The following CCDC12 variants were observed in gnomAD, a reference collection of about 807,000 sequenced individuals.
CCDC12 encodes the protein coiled-coil domain containing 12.
In CCDC12, 28 loss-of-function variants were observed where a neutral mutation model predicts 25.7. The observed-to-expected ratio is 1.09, with a 90% CI of 0.81 to 1.50. CCDC12 has a LOEUF of 1.50. Ranked by LOEUF, CCDC12 falls within the 40% of genes most tolerant of loss-of-function variation. The probability of loss-of-function intolerance (pLI) is 0.00; values close to 1 mark genes in which losing one functional copy is unlikely to be tolerated. For missense variants in CCDC12, 198 were observed against 210.0 expected (o/e 0.94, Z 0.35); for synonymous variants, 75 against 87.7 (o/e 0.86, Z 0.81).
At chr3:46,925,802 C>T (rs532572572) in intron 2 of CCDC12, among the ~76,000 whole-genome samples, 13 of 152,338 alleles carry the variant, frequency 8.5e-5, no homozygotes, top group African/African-American at 2.9e-4. Flanking sequence ...GGGCCAAGGA[C>T]GCCTAGGGAG....
chr3:46,975,405 G>C (rs1453933774), intron 1 of CCDC12, among the ~76,000 whole-genome samples: 1 of 151,968 alleles, frequency 6.6e-6, no homozygotes, highest in African/African-American at 2.4e-5. Context: ...GGCTGATCTC[G>C]AACTCCTGAC....
intron 2 of CCDC12, among the ~76,000 whole-genome samples, chr3:46,928,988 T>C (rs1445310718): frequency 6.6e-6 from 1 of 151,474 alleles, no homozygotes; most frequent in East Asian, 2.0e-4. Flanking sequence ...AGACCCTGTC[T>C]CAAAAAAAAA....
chr3:46,953,297 C>T (rs1336428154), intron 1 of CCDC12, among the ~76,000 whole-genome samples: 1 of 152,026 alleles, frequency 6.6e-6, no homozygotes, highest in South Asian at 2.1e-4. Flanking sequence ...ATTAAAATAG[C>T]GAGGCAGCAC....
chr3:46,925,373 T>C (rs2090240972), intron 3 of CCDC12, 83 bp downstream of exon 3: 1 of 1,184,190 alleles, frequency 8.4e-7, no homozygotes, highest in Non-Finnish European at 1.3e-6. Flanking sequence ...TACTGCTGGT[T>C]ATTCTCAGAG....
intron 5 of CCDC12, chr3:46,922,646 GGGCCCTGCTCCTCCTCCAGCCACC>G (rs1341898083): frequency 2.5e-6 from 1 of 393,122 alleles, no homozygotes. Context: ...TGCCCACTGT[GGGCCCTGCTCCTCCTCCAGCCACC>G]GGCCCAGCCC....
At chr3:46,977,614 C>G (rs1174760300), upstream of CCDC12, among the ~76,000 whole-genome samples, 2 of 152,202 alleles carry the variant, frequency 1.3e-5, no homozygotes, top group Non-Finnish European at 2.9e-5. Context: ...TCTGTGACCA[C>G]TCTCAGCTCA....
intron 1 of CCDC12, among the ~76,000 whole-genome samples, chr3:46,954,614 C>T (rs1203585700): frequency 1.3e-5 from 2 of 152,168 alleles, no homozygotes; most frequent in African/African-American, 4.8e-5. Flanking sequence ...GGAATAAGAG[C>T]TACCATTTAT....
intron 1 of CCDC12, among the ~76,000 whole-genome samples, chr3:46,972,048 G>A (rs1184023442): frequency 7.9e-6 from 1 of 127,050 alleles, no homozygotes; most frequent in Non-Finnish European, 1.8e-5. Flanking sequence ...CCTGTCCCCA[G>A]GCATTCACCT....
chr3:46,980,284 G>A (rs915450168), upstream of CCDC12, among the ~76,000 whole-genome samples: 10 of 152,344 alleles, frequency 6.6e-5, no homozygotes, highest in Admixed American at 3.3e-4. Context: ...CTGGCCAGGA[G>A]GCTAGGGGGA....
At chr3:46,963,031 C>T (rs1314063350) in intron 1 of CCDC12, among the ~76,000 whole-genome samples, 4 of 152,184 alleles carry the variant, frequency 2.6e-5, no homozygotes, top group Non-Finnish European at 4.4e-5. Context: ...ATTCCACACC[C>T]AACAACTGAC....
intron 1 of CCDC12, among the ~76,000 whole-genome samples, chr3:46,949,314 A>T (rs569891026): frequency 1.3e-5 from 2 of 152,304 alleles, no homozygotes; most frequent in African/African-American, 4.8e-5. Context: ...AACCAGAACC[A>T]TTAGTATGCA....
At position 46,922,295 on chromosome 3, in the gene CCDC12, A is replaced by T. The variant is rs745320763; in HGVS notation, c.359T>A (p.Val120Glu). Residue 120 changes from valine to glutamate, a missense_variant, in exon 6 of 7, where the codon GTG becomes GAG. Transcript: ENST00000683445. ...TTTTAGTTTCTCCAGCTTCTTGGCC[A>T]CATCTCTCTTGAGGTCCCTGGAGCA... ...RKPDWDLKRD[V>E]AKKLEKLKKR... The T allele has an allele frequency of 6.2e-7, 1 of 1,614,226 alleles. No individual in the cohort carries two copies. Among genetic ancestry groups the T allele is most frequent in the Non-Finnish European group, 8.5e-7 (1 of 1,180,036 alleles).
chr3:46,955,570 G>T (rs1348968234), intron 1 of CCDC12, among the ~76,000 whole-genome samples: 3 of 152,160 alleles, frequency 2.0e-5, no homozygotes, highest in East Asian at 1.9e-4. Flanking sequence ...AGAAGGAGCG[G>T]GTGTGTCCAG....
At chr3:46,964,519 GGTGGGGAAAAGATT>G (rs1294724662) in intron 1 of CCDC12, among the ~76,000 whole-genome samples, 1 of 152,380 alleles carries the variant, frequency 6.6e-6, no homozygotes, top group East Asian at 1.9e-4. Flanking sequence ...AAGGGGGAAA[GGTGGGGAAAAGATT>G]GAGAAATCGG....
At chr3:46,959,202 AG>A (rs1423956628) in intron 1 of CCDC12, among the ~76,000 whole-genome samples, 1 of 15,564 alleles carries the variant, frequency 6.4e-5, no homozygotes, top group Non-Finnish European at 3.8e-3. Context: ...CACTTCCTTT[AG>A]CTACAAAGCG....
chr3:46,941,405 A>C lies in CCDC12; in HGVS notation c.97-340T>G, dbSNP rs533926551. Among the ~76,000 whole-genome samples, 190 of 152,236 alleles carry C rather than the reference A, an allele frequency of 1.2e-3. 1 individual carries two copies. The highest frequency in any genetic ancestry group is 2.9e-3 in the Admixed American group (44 of 15,288). On this transcript the variant is annotated intron_variant, in intron 1 of 6. Transcript: ENST00000683445. The stretch of plus-strand genomic sequence containing the variant: ...GCGAAACCCCATCTCTACTAAAAAC[A>C]CACAAAAAAATTAGCTGGGCGTGGT...
chr3:46,972,807 A>G (rs1352317276), intron 1 of CCDC12, among the ~76,000 whole-genome samples: 1 of 151,762 alleles, frequency 6.6e-6, no homozygotes, highest in Non-Finnish European at 1.5e-5. Context: ...AAATAAAATA[A>G]TAAGTGCTGG....
intron 1 of CCDC12, among the ~76,000 whole-genome samples, chr3:46,965,101 G>C (rs1025191331): frequency 1.3e-5 from 2 of 152,134 alleles, no homozygotes; most frequent in African/African-American, 4.8e-5. Context: ...GACACTGAGA[G>C]GGAAGCACAT....
rs1397689022 is a variant in CCDC12 at position 46,928,985 on chromosome 3, GT to G, written c.165-3451del. The stretch of plus-strand genomic sequence containing the variant: ...AGCCTAGGTGACAAAGCAAGACCCT[GT>G]CTCAAAAAAAAAGCAGGGGGAAAAG... On this transcript the variant is annotated intron_variant, in intron 2 of 6. Coordinates refer to ENST00000683445, the MANE Select transcript of CCDC12 (RefSeq NM_001277074.2). 7.9e-5 allele frequency among the ~76,000 whole-genome samples: 12 copies of G among 151,890 alleles called. No homozygotes were observed. The East Asian group carries it at 1.6e-3, about 20-fold the overall frequency.
Sources: allele counts gnomAD v4.1 joint callset (sites outside exome capture counted in the v4.1 genomes callset), GRCh38; gene constraint gnomAD v4.1.1; transcripts MANE v1.5; gene names NCBI Gene and HGNC (gene_info 2026-07-23, HGNC 2026-07-21).